ATRX: variants seen among roughly 807,000 people sequenced by gnomAD.
ATRX encodes chromatin remodeler ATRX.
Under a neutral mutation model 172.6 loss-of-function variants are expected in ATRX, and 12 were observed. The observed-to-expected ratio is 0.07, with a 90% confidence interval of 0.04 to 0.11. The LOEUF (loss-of-function observed/expected upper bound fraction) is 0.11, where lower values mean the gene tolerates loss of function less well. Among genes scored for constraint, ATRX ranks in the 10% least tolerant of loss-of-function variants. ATRX has a pLI of 1.00. For synonymous variants in ATRX, 674 were observed against 594.7 expected (o/e 1.13, Z -1.94); for missense variants, 1,368 against 1,767.4 (o/e 0.77, Z 4.05).
chrX:77,758,823 T>A (rs1214555545), intron 1 of ATRX, among the ~76,000 whole-genome samples: 1 of 112,076 alleles, frequency 8.9e-6, no homozygotes, highest in African/African-American at 3.2e-5. Flanking sequence ...TATAATCTTT[T>A]CTTTCCATTA....
chrX:77,651,931 A>G (rs1010167784), intron 15 of ATRX, 183 bp downstream of exon 15: 15 of 451,463 alleles, frequency 3.3e-5, no homozygotes, highest in Admixed American at 3.2e-4. Flanking sequence ...TCATATACCA[A>G]ATAAAATAAA....
intron 1 of ATRX, among the ~76,000 whole-genome samples, chrX:77,756,193 C>A (rs1557190118): frequency 1.8e-5 from 2 of 111,499 alleles, no homozygotes; most frequent in Non-Finnish European, 3.8e-5. Flanking sequence ...AGACGCCCCT[C>A]CCCTCACCAA....
At position 77,523,220 on chromosome X, in the gene ATRX, A is replaced by G. The variant is rs781800473; in HGVS notation, c.6849+32T>C. ...ATTGCTCTTTCAAATCACTAACATA[A>G]CAAAAACAAAAACACATTTTGCATC... On this transcript the variant is annotated intron_variant, in intron 31 of 34. Coordinates refer to ENST00000373344, the MANE Select transcript of ATRX (RefSeq NM_000489.6). 7.5e-6 allele frequency: 9 copies of G among 1,205,751 alleles called. No homozygotes were observed. In the South Asian group the frequency reaches 1.4e-4, roughly 19 times the overall value.
rs1557059590 is a variant in ATRX, at chrX:77,557,473, C to T, written c.6677G>A (p.Arg2226Lys). ...DDPNSEKKKKRDTPMLPKDTI... is the reference protein window; with the variant it reads ...DDPNSEKKKKKDTPMLPKDTI... ...TACCTTTGGCAGCATGGGAGTATCC[C>T]TCTTCTTCTTCTTTTCTGAATTAGG... The change falls in exon 30 of 35, where the codon AGG becomes AAG. Residue 2226 changes from arginine to lysine, a missense_variant. Transcript: ENST00000373344. The T allele has an allele frequency of 8.3e-7, 1 of 1,210,373 alleles. No homozygotes were observed. Among genetic ancestry groups the T allele is most frequent in the Non-Finnish European group, 1.1e-6 (1 of 894,687 alleles).
chrX:77,634,775 A>G, intron 16 of ATRX, 72 bp from the exon 17 acceptor site: 2 of 864,899 alleles, frequency 2.3e-6, no homozygotes, highest in East Asian at 6.2e-5. Flanking sequence ...AAACACATCA[A>G]AAACATAACC....
intron 9 of ATRX, among the ~76,000 whole-genome samples, chrX:77,678,517 C>T (rs1300115716): frequency 1.8e-5 from 2 of 112,082 alleles, no homozygotes; most frequent in African/African-American, 6.5e-5. Context: ...GACGGAGTCT[C>T]GCTCTGTCGC....
chrX:77,722,440 A>T (rs2073822410), intron 1 of ATRX, among the ~76,000 whole-genome samples: 1 of 111,538 alleles, frequency 9.0e-6, no homozygotes, highest in Non-Finnish European at 1.9e-5. Context: ...TGATCTATCC[A>T]TCTGACAAAG....
Position 77,652,314 on chromosome X carries a change from C to T in ATRX, c.4357G>A (p.Glu1453Lys), listed in dbSNP as rs2148439905. The change falls in exon 15 of 35, where the codon GAG becomes AAG. Residue 1453 changes from glutamate (E) to lysine (K), a missense_variant. Transcript: ENST00000373344. ...EEEEEEKEEE[E>K]EEEEEEEEEE... ...TCTTCCTCCTCCTCCTCCTCTTCCT[C>T]CTCCTCTTCTTTTTCCTCCTCTTCT... 4 of 1,207,438 alleles carry T rather than the reference C, an allele frequency of 3.3e-6. No individual in the cohort carries two copies. The highest frequency in any genetic ancestry group is 4.5e-6 in the Non-Finnish European group (4 of 893,673).
intron 1 of ATRX, among the ~76,000 whole-genome samples, chrX:77,761,662 A>G (rs1557192831): frequency 9.0e-6 from 1 of 111,584 alleles, no homozygotes; most frequent in African/African-American, 3.3e-5. Context: ...TGTGTGCTGA[A>G]AACACCTGAA....
chrX:77,589,759 T>C lies in ATRX; in HGVS notation c.6217+75A>G, dbSNP rs1305938457. 7.3e-6 allele frequency: 7 copies of C among 962,020 alleles called. No homozygotes were observed. The African/African-American group carries it at 7.8e-5, about 11-fold the overall frequency. The allele number at this position is 962,020 out of a possible 1,213,427, so 79.3% of individuals were successfully genotyped here. On this transcript the variant is annotated intron_variant, in intron 27 of 34. Transcript: ENST00000373344. ...TGAGACTGGGTAGTTTTGTTTCTTT[T>C]GTTGCTAAAATGTTTGTATGGTATG...
intron 1 of ATRX, among the ~76,000 whole-genome samples, chrX:77,774,769 G>T (rs1557201415): frequency 8.9e-6 from 1 of 111,841 alleles, no homozygotes; most frequent in Non-Finnish European, 1.9e-5. Flanking sequence ...GACTGCAGTG[G>T]CATGATCATA....
intron 2 of ATRX, among the ~76,000 whole-genome samples, chrX:77,706,528 C>A (rs1190213749): frequency 2.7e-5 from 3 of 110,980 alleles, no homozygotes; most frequent in African/African-American, 9.8e-5. Flanking sequence ...GTAATGGATT[C>A]TTAAAGACAC....
chrX:77,729,265 A>T (rs1281758667), intron 1 of ATRX, among the ~76,000 whole-genome samples: 1 of 111,591 alleles, frequency 9.0e-6, no homozygotes, highest in Non-Finnish European at 1.9e-5. Context: ...TCATACTACA[A>T]TGCTAACCAA....
chrX:77,773,186 T>C (rs1377969932), intron 1 of ATRX, among the ~76,000 whole-genome samples: 1 of 109,150 alleles, frequency 9.2e-6, no homozygotes, highest in Non-Finnish European at 1.9e-5. Flanking sequence ...AAATATATTA[T>C]TTCATATGCT....
intron 1 of ATRX, among the ~76,000 whole-genome samples, chrX:77,747,154 C>T (rs1323827050): frequency 8.9e-6 from 1 of 111,767 alleles, no homozygotes; most frequent in African/African-American, 3.2e-5. Context: ...ACAAAGGCCA[C>T]TCATGTCAAA....
intron 30 of ATRX, among the ~76,000 whole-genome samples, chrX:77,552,018 G>C (rs1396882352): frequency 9.0e-6 from 1 of 111,580 alleles, no homozygotes; most frequent in Admixed American, 9.5e-5. Flanking sequence ...TTACACTGTT[G>C]GTGGGACTGT....
At chrX:77,763,803 G>A in intron 1 of ATRX, among the ~76,000 whole-genome samples, 1 of 111,070 alleles carries the variant, frequency 9.0e-6, no homozygotes, top group Admixed American at 9.6e-5. Flanking sequence ...GAATATGCTT[G>A]CAATTTTACA....
intron 2 of ATRX, among the ~76,000 whole-genome samples, chrX:77,715,277 A>G (rs1231846933): frequency 1.8e-5 from 2 of 111,827 alleles, no homozygotes; most frequent in African/African-American, 6.5e-5. Context: ...CTATGTTTCC[A>G]TGTGTTTAGA....
At chrX:77,654,443 A>T (rs1429256682) in intron 13 of ATRX, among the ~76,000 whole-genome samples, 7 of 111,562 alleles carry the variant, frequency 6.3e-5, no homozygotes, top group African/African-American at 2.3e-4. Context: ...ATAAAAGGAC[A>T]TTAAGACTAT....
Sources: gnomAD v4.1 joint callset for allele counts (sites outside exome capture counted in the v4.1 genomes callset) on GRCh38, gnomAD v4.1.1 for gene constraint, MANE v1.5 for transcripts, NCBI Gene and HGNC (gene_info 2026-07-23, HGNC 2026-07-21) for gene names.